Variants in COL11A1 observed in about 807,000 individuals in gnomAD.
COL11A1 encodes collagen alpha-1(XI) chain.
A neutral mutation model predicts 265.2 loss-of-function variants in COL11A1; 74 were observed. That is an observed-to-expected ratio of 0.28 (90% CI 0.23 to 0.34). The LOEUF is 0.34. Ranked by LOEUF, COL11A1 falls within the 10% of genes least tolerant of loss-of-function variation. The pLI, the probability that COL11A1 is intolerant of heterozygous loss-of-function variation, is 1.00. For missense variants in COL11A1, 2,165 were observed against 2,263.6 expected (o/e 0.96, Z 0.88); for synonymous variants, 816 against 727.6 (o/e 1.12, Z -1.96).
At chr1:103,064,788 A>G (rs1455897798) in intron 4 of COL11A1, among the ~76,000 whole-genome samples, 2 of 151,626 alleles carry the variant, frequency 1.3e-5, no homozygotes, top group Non-Finnish European at 2.9e-5. Context: ...TGCATACTGT[A>G]TGACTGCAAC....
chr1:103,022,225 T>C (rs933402394), intron 8 of COL11A1, among the ~76,000 whole-genome samples: 4 of 151,970 alleles, frequency 2.6e-5, no homozygotes, highest in African/African-American at 9.7e-5. Flanking sequence ...AAATATATTT[T>C]TAAATATGAA....
chr1:102,936,163 C>T (rs993424133), intron 44 of COL11A1, among the ~76,000 whole-genome samples: 1 of 150,560 alleles, frequency 6.6e-6, no homozygotes. Context: ...GAATATGTGT[C>T]TTTTCATATT....
chr1:102,885,625 A>G (rs925455361), intron 63 of COL11A1, among the ~76,000 whole-genome samples: 1 of 152,160 alleles, frequency 6.6e-6, no homozygotes, highest in Non-Finnish European at 1.5e-5. Context: ...TTCCCAGGAA[A>G]AAAATACAAG....
intron 4 of COL11A1, 32 bp from the exon 5 acceptor site, chr1:103,031,276 A>T: frequency 1.3e-6 from 2 of 1,593,368 alleles, no homozygotes; most frequent in Non-Finnish European, 1.7e-6. Flanking sequence ...AAACAAACAG[A>T]CACAGATTCA....
intron 4 of COL11A1, among the ~76,000 whole-genome samples, chr1:103,033,128 A>G (rs1268243402): frequency 6.6e-6 from 1 of 152,068 alleles, no homozygotes; most frequent in African/African-American, 2.4e-5. Flanking sequence ...TTCATTTATC[A>G]TAATGTCTTC....
intron 42 of COL11A1, among the ~76,000 whole-genome samples, chr1:102,945,705 G>C (rs1659192119): frequency 6.6e-6 from 1 of 151,984 alleles, no homozygotes; most frequent in Admixed American, 6.6e-5. Context: ...TGTAGGAAGA[G>C]AGAATCATTT....
intron 36 of COL11A1, among the ~76,000 whole-genome samples, chr1:102,970,801 G>A (rs1256926526): frequency 1.3e-5 from 2 of 151,986 alleles, no homozygotes; most frequent in African/African-American, 4.8e-5. Flanking sequence ...GGATCAAGAG[G>A]TCAGAGGATC....
intron 36 of COL11A1, among the ~76,000 whole-genome samples, chr1:102,974,196 A>AAAG (rs1164863833): frequency 2.2e-4 from 33 of 152,218 alleles, no homozygotes; most frequent in Non-Finnish European, 3.5e-4. Flanking sequence ...ACAAACAAAA[A>AAAG]CAAAAAAGAC....
Position 103,006,096 on chromosome 1 carries a change from C to T in COL11A1, c.1763G>A (p.Arg588Lys). The change falls in exon 17 of 67, where the codon AGA (arginine) becomes AAA (lysine). Residue 588 changes from arginine to lysine, a missense_variant. Transcript: ENST00000370096. Reference sequence around the variant, plus strand: ...TGCCCCAGGTTCTCCTGGCATTCCTCTTCCTCCATCTGCACCTGGACGACC... The same window carrying T: ...TGCCCCAGGTTCTCCTGGCATTCCTTTTCCTCCATCTGCACCTGGACGACC... ...KRGRPGADGG[R>K]GMPGEPGAKG... 1 of 1,613,968 alleles carries T rather than the reference C, an allele frequency of 6.2e-7. No homozygotes were observed. The highest frequency in any genetic ancestry group is 8.5e-7 in the Non-Finnish European group (1 of 1,179,966).
chr1:103,029,288 A>G (rs888836837), intron 5 of COL11A1, among the ~76,000 whole-genome samples: 44 of 152,182 alleles, frequency 2.9e-4, no homozygotes, highest in African/African-American at 9.9e-4. Flanking sequence ...AAGTACATGT[A>G]TGGCTGATGC....
chr1:103,078,958 T>C (rs992355482), intron 2 of COL11A1, 87 bp from the exon 3 acceptor site: 1 of 888,504 alleles, frequency 1.1e-6, no homozygotes, highest in African/African-American at 1.7e-5. Context: ...TTGAAATTTC[T>C]ACATGGCCTT....
At chr1:102,976,500 T>C (rs1662507817) in intron 35 of COL11A1, among the ~76,000 whole-genome samples, 1 of 151,970 alleles carries the variant, frequency 6.6e-6, no homozygotes, top group African/African-American at 2.4e-5. Flanking sequence ...GGTTTCACCA[T>C]GTTGGCCAGG....
chr1:102,917,308 C>T (rs1321244638), intron 49 of COL11A1, among the ~76,000 whole-genome samples: 7 of 152,020 alleles, frequency 4.6e-5, no homozygotes, highest in Middle Eastern at 3.4e-3. Flanking sequence ...AACTAGACTC[C>T]TATCTCTTAC....
At chr1:102,973,039 A>G (rs114578222) in intron 36 of COL11A1, among the ~76,000 whole-genome samples, 8,192 of 152,090 alleles carry the variant, frequency 0.054, 262 homozygotes, top group Non-Finnish European at 0.074. Flanking sequence ...AGATGAACCA[A>G]TTAATTTACA....
At position 103,018,814 on chromosome 1, in the gene COL11A1, A is replaced by G; in HGVS notation, c.1350+4T>C. 5 of 1,610,058 alleles carry G rather than the reference A, an allele frequency of 3.1e-6. No individual in the cohort carries two copies. The highest frequency in any genetic ancestry group is 4.2e-6 in the Non-Finnish European group (5 of 1,176,700). On this transcript the variant is annotated splice_donor_region_variant and intron_variant, in intron 10 of 66. Transcript: ENST00000370096. ...ACAAAAATAATCTTAAAACATTTAC[A>G]TACTGCAGGTCCTGCTGGTCCTGGT...
At chr1:102,900,123 G>C (rs771564198) in intron 54 of COL11A1, among the ~76,000 whole-genome samples, 1 of 151,984 alleles carries the variant, frequency 6.6e-6, no homozygotes, top group Non-Finnish European at 1.5e-5. Context: ...CTCAGAAAGA[G>C]TCAATGATGA....
At chr1:103,042,831 T>C (rs1668920125) in intron 4 of COL11A1, among the ~76,000 whole-genome samples, 1 of 151,714 alleles carries the variant, frequency 6.6e-6, no homozygotes. Context: ...TTCTGTTTTC[T>C]GTGGGAACTC....
At chr1:102,881,870 G>T in intron 64 of COL11A1, 105 bp from the exon 65 acceptor site, 1 of 856,826 alleles carries the variant, frequency 1.2e-6, no homozygotes, top group Non-Finnish European at 1.9e-6. Flanking sequence ...AGAAAATAAA[G>T]AGTGCTTAAA....
chr1:103,040,383 T>C (rs1412299244), intron 4 of COL11A1, among the ~76,000 whole-genome samples: 1 of 151,622 alleles, frequency 6.6e-6, no homozygotes, highest in Non-Finnish European at 1.5e-5. Flanking sequence ...AATCTCAGAT[T>C]ATATACTTTT....
Sources: gnomAD v4.1 joint callset for allele counts (sites outside exome capture counted in the v4.1 genomes callset) on GRCh38, gnomAD v4.1.1 for gene constraint, MANE v1.5 for transcripts, NCBI Gene and HGNC (gene_info 2026-07-23, HGNC 2026-07-21) for gene names.